The following ZNF385D variants were observed in gnomAD, a reference collection of about 807,000 sequenced individuals.
ZNF385D encodes the protein zinc finger protein 385D.
In ZNF385D, 15 loss-of-function variants were observed where a neutral mutation model predicts 35.8. The observed-to-expected ratio is 0.42, with a 90% CI of 0.28 to 0.64. ZNF385D has a LOEUF of 0.64. ZNF385D is among the 30% of genes least tolerant of loss of function. The pLI, the probability that ZNF385D is intolerant of heterozygous loss-of-function variation, is 0.23. For missense variants in ZNF385D, 474 were observed against 494.6 expected (o/e 0.96, Z 0.39); for synonymous variants, 212 against 186.8 (o/e 1.13, Z -1.10).
At chr3:21,740,244 T>C (rs1330824338) in intron 1 of ZNF385D, among the ~76,000 whole-genome samples, 1 of 152,128 alleles carries the variant, frequency 6.6e-6, no homozygotes. Flanking sequence ...CACATGTGCA[T>C]AAAGTGGTAG....
intron 3 of ZNF385D, among the ~76,000 whole-genome samples, chr3:21,985,388 TTTTGTCAAAGGC>T (rs1156796243): frequency 1.7e-5 from 2 of 117,556 alleles, no homozygotes; most frequent in Non-Finnish European, 3.5e-5. Flanking sequence ...GGTTGTTGAA[TTTTGTCAAAGGC>T]TTTTTCTGCA....
chr3:21,615,344 G>A (rs1353395061), intron 2 of ZNF385D, among the ~76,000 whole-genome samples: 1 of 134,798 alleles, frequency 7.4e-6, no homozygotes, highest in Non-Finnish European at 1.7e-5. Flanking sequence ...AGATGCTGGT[G>A]CCATGCTTTG....
intron 1 of ZNF385D, among the ~76,000 whole-genome samples, chr3:21,676,731 G>A (rs116534986): frequency 0.026 from 4,005 of 151,998 alleles, 168 homozygotes; most frequent in African/African-American, 0.091. Flanking sequence ...TAAACCACTC[G>A]CTAAATGGTA....
chr3:22,313,365 G>C (rs989684911), intron 2 of ZNF385D, among the ~76,000 whole-genome samples: 1 of 151,682 alleles, frequency 6.6e-6, no homozygotes, highest in Non-Finnish European at 1.5e-5. Context: ...AAACCTGCAC[G>C]TTGTGCACAT....
chr3:22,335,333 T>C (rs1261294155), intron 2 of ZNF385D, among the ~76,000 whole-genome samples: 1 of 152,138 alleles, frequency 6.6e-6, no homozygotes, highest in Non-Finnish European at 1.5e-5. Flanking sequence ...ACATTGTGAG[T>C]GTACAAAAAT....
At chr3:21,564,722 A>G (rs2063080232) in intron 2 of ZNF385D, 38 bp from the exon 3 acceptor site, 1 of 1,339,064 alleles carries the variant, frequency 7.5e-7, no homozygotes, top group South Asian at 1.5e-5. Flanking sequence ...AATAGAAATA[A>G]AGCTTGTCAG....
rs1700533553 is a variant in ZNF385D, at chr3:21,414,407, C to G, written c.*6807G>C. ...CCTTTTTTCAGGACAAAAGAGAAAG[C>G]TAATATAGCTACAAATGATGTAGCT... is the stretch of plus-strand genomic sequence containing the variant. On this transcript the variant is annotated 3_prime_UTR_variant, in exon 8 of 8. Transcript: ENST00000281523. The G allele has an allele frequency of 6.6e-6, 1 of 152,002 alleles. No homozygotes were observed. The highest frequency in any genetic ancestry group is 2.1e-4 in the South Asian group (1 of 4,816). The allele number at this position is 152,002 out of a possible 1,614,324, so 9.4% of individuals were successfully genotyped here.
Position 21,891,437 on chromosome 3 carries a change from C to G in ZNF385D, c.326-226409G>C, listed in dbSNP as rs1039557288. Among the ~76,000 whole-genome samples, 5 of 152,142 alleles carry G rather than the reference C, an allele frequency of 3.3e-5. 1 individual carries two copies. Among genetic ancestry groups the G allele is most frequent in the African/African-American group, 1.2e-4 (5 of 41,434 alleles). On this transcript the variant is annotated intron_variant, in intron 3 of 5. Transcript: ENST00000494108. ...GACCACACCATTCATTTTTCAACCCCTTATCCTGTTGGTTTTCTGAATGGC... is the reference window on the plus strand; with the variant it reads ...GACCACACCATTCATTTTTCAACCCGTTATCCTGTTGGTTTTCTGAATGGC...
At chr3:22,312,796 T>C (rs1470079867) in intron 2 of ZNF385D, among the ~76,000 whole-genome samples, 23 of 146,548 alleles carry the variant, frequency 1.6e-4, no homozygotes, top group Non-Finnish European at 3.0e-5. Flanking sequence ...ACTTTTACAC[T>C]GTTGGTGGGA....
At chr3:21,845,818 C>G (rs1000712880) in intron 3 of ZNF385D, among the ~76,000 whole-genome samples, 1 of 151,992 alleles carries the variant, frequency 6.6e-6, no homozygotes, top group African/African-American at 2.4e-5. Context: ...AGAGGCTTGA[C>G]TGCAATTTCT....
At chr3:21,776,245 G>C (rs1424126562) in intron 3 of ZNF385D, among the ~76,000 whole-genome samples, 1 of 151,786 alleles carries the variant, frequency 6.6e-6, no homozygotes, top group East Asian at 1.9e-4. Flanking sequence ...ATTAGTTTTT[G>C]TGCTTATTAC....
intron 2 of ZNF385D, among the ~76,000 whole-genome samples, chr3:22,174,964 A>C (rs1179947657): frequency 6.6e-6 from 1 of 152,118 alleles, no homozygotes; most frequent in East Asian, 1.9e-4. Context: ...GCTCAAAAAA[A>C]CTTATTCTGA....
chr3:21,773,679 A>C (rs1260099331), intron 3 of ZNF385D, among the ~76,000 whole-genome samples: 4 of 151,900 alleles, frequency 2.6e-5, no homozygotes, highest in African/African-American at 9.7e-5. Context: ...CAAGCCCACC[A>C]TCCCTGATCA....
At chr3:21,639,705 C>T (rs994912270) in intron 2 of ZNF385D, among the ~76,000 whole-genome samples, 2 of 152,000 alleles carry the variant, frequency 1.3e-5, no homozygotes, top group Admixed American at 1.3e-4. Context: ...GCATGATAGT[C>T]TCATTTTAAT....
At chr3:22,071,263 T>A (rs1230034185) in intron 3 of ZNF385D, among the ~76,000 whole-genome samples, 1 of 152,196 alleles carries the variant, frequency 6.6e-6, no homozygotes, top group Non-Finnish European at 1.5e-5. Context: ...TCAGTATCTC[T>A]ATATCATCTT....
intron 2 of ZNF385D, among the ~76,000 whole-genome samples, chr3:21,603,188 G>A (rs564018424): frequency 6.6e-6 from 1 of 152,194 alleles, no homozygotes; most frequent in Non-Finnish European, 1.5e-5. Context: ...CTCTCTTAAA[G>A]AGGTATGTGA....
intron 1 of ZNF385D, among the ~76,000 whole-genome samples, chr3:21,744,220 T>C (rs564552198): frequency 2.2e-4 from 34 of 152,302 alleles, no homozygotes; most frequent in African/African-American, 3.1e-4. Context: ...ATGGGTCATT[T>C]TGAAGATAAA....
At chr3:21,969,885 T>C (rs563954065) in intron 3 of ZNF385D, among the ~76,000 whole-genome samples, 3 of 152,198 alleles carry the variant, frequency 2.0e-5, no homozygotes, top group African/African-American at 7.2e-5. Context: ...GTTTGGGTGA[T>C]AGTAAGGGAG....
At chr3:22,117,092 C>T (rs1419924804) in intron 3 of ZNF385D, among the ~76,000 whole-genome samples, 1 of 151,956 alleles carries the variant, frequency 6.6e-6, no homozygotes, top group African/African-American at 2.4e-5. Context: ...CTTTGAGATG[C>T]CAGGCTTTAG....
Sources: allele counts gnomAD v4.1 joint callset (sites outside exome capture counted in the v4.1 genomes callset), GRCh38; gene constraint gnomAD v4.1.1; transcripts MANE v1.5; gene names NCBI Gene and HGNC (gene_info 2026-07-23, HGNC 2026-07-21).